The following PLAT variants were observed in gnomAD, a reference collection of about 807,000 sequenced individuals.
The protein encoded by PLAT is tissue-type plasminogen activator.
Under a neutral mutation model 74.9 loss-of-function variants are expected in PLAT, and 48 were observed. The ratio of observed to expected loss-of-function variants is 0.64; its 90% CI spans 0.51 to 0.82. The LOEUF is 0.82. PLAT is among the 40% of genes least tolerant of loss of function. The pLI, the probability that PLAT is intolerant of heterozygous loss-of-function variation, is 0.00. For synonymous variants in PLAT, 307 were observed against 294.4 expected (o/e 1.04, Z -0.44); for missense variants, 673 against 736.2 (o/e 0.91, Z 0.99).
rs997457932 is a variant in PLAT at position 42,197,959 on chromosome 8, A to C, written c.-26-4748T>G. On this transcript the variant is annotated intron_variant, in intron 1 of 13. Transcript: ENST00000220809. Reference sequence around the variant, plus strand: ...GCGGTTTCTGTTCTGTTGTGAGAACATACGACATGGGGAGTGTCACATGCA... The same window carrying C: ...GCGGTTTCTGTTCTGTTGTGAGAACCTACGACATGGGGAGTGTCACATGCA... Among the ~76,000 whole-genome samples the C allele has an allele frequency of 1.3e-4, 20 of 152,340 alleles. 1 individual carries two copies. In the South Asian group the frequency reaches 4.1e-3, roughly 32 times the overall value.
At chr8:42,183,271 G>A in intron 7 of PLAT, among the ~76,000 whole-genome samples, 1 of 152,314 alleles carries the variant, frequency 6.6e-6, no homozygotes, top group Admixed American at 6.5e-5. Flanking sequence ...CCAAAGTGCT[G>A]GGAGTACAGG....
intron 6 of PLAT, chr8:42,187,055 C>T (rs991998754): frequency 1.5e-5 from 3 of 195,756 alleles, no homozygotes; most frequent in East Asian, 1.2e-4. Flanking sequence ...CATCTATCTA[C>T]CATCTATCAT....
chr8:42,183,278 C>G (rs183536693), intron 7 of PLAT, among the ~76,000 whole-genome samples: 19 of 152,294 alleles, frequency 1.2e-4, no homozygotes, highest in African/African-American at 4.1e-4. Context: ...GCTGGGAGTA[C>G]AGGTGTGAGC....
At chr8:42,189,568 C>A (rs1035514421) in intron 3 of PLAT, among the ~76,000 whole-genome samples, 2 of 151,110 alleles carry the variant, frequency 1.3e-5, no homozygotes, top group African/African-American at 2.4e-5. Flanking sequence ...CATTGAGTAT[C>A]TTCTCATATG....
intron 7 of PLAT, among the ~76,000 whole-genome samples, chr8:42,183,123 C>G (rs1291801946): frequency 2.0e-5 from 3 of 152,192 alleles, no homozygotes; most frequent in Non-Finnish European, 4.4e-5. Flanking sequence ...TCTACCTCAG[C>G]CTCCCGAGTA....
intron 6 of PLAT, chr8:42,186,760 TATC>T (rs2129739419): frequency 6.6e-6 from 1 of 151,936 alleles, no homozygotes; most frequent in South Asian, 2.1e-4. Flanking sequence ...TCAATCTGTC[TATC>T]ATCTATCTAT....
chr8:42,193,255 TC>T, intron 1 of PLAT, 44 bp from the exon 2 acceptor site: 1 of 1,257,596 alleles, frequency 8.0e-7, no homozygotes, highest in Non-Finnish European at 1.2e-6. Context: ...GTGCGAGAGG[TC>T]CATGATGGCA....
chr8:42,186,171 T>G (rs63020761), intron 6 of PLAT: 2 of 125,262 alleles, frequency 1.6e-5, no homozygotes, highest in Non-Finnish European at 3.4e-5. Context: ...TTTTTTTTTT[T>G]AATTCTCTAC....
chr8:42,201,198 GGATT>G (rs1806116579), intron 1 of PLAT, among the ~76,000 whole-genome samples: 1 of 152,194 alleles, frequency 6.6e-6, no homozygotes, highest in South Asian at 2.1e-4. Flanking sequence ...CGTGGTCACT[GGATT>G]CTCAACCTGG....
At position 42,203,923 on chromosome 8, in the gene PLAT, C is replaced by T. The variant is rs111541095; in HGVS notation, c.-27+3571G>A. Among the ~76,000 whole-genome samples, 867 of 150,344 alleles carry T rather than the reference C, an allele frequency of 5.8e-3. 2 individuals are homozygous for T. Among genetic ancestry groups the T allele is most frequent in the Non-Finnish European group, 8.9e-3 (606 of 67,870 alleles). ...GAAGGTTCAGTGACCTACGATCACA[C>T]TGCTGCACTCCAGCCTGGGTGATGG... On this transcript the variant is annotated intron_variant, in intron 1 of 13. Transcript: ENST00000220809.
intron 1 of PLAT, among the ~76,000 whole-genome samples, chr8:42,196,517 C>T (rs1805913523): frequency 6.6e-6 from 1 of 152,116 alleles, no homozygotes; most frequent in Non-Finnish European, 1.5e-5. Context: ...CAAGAAAGAG[C>T]GAAGAGAGGG....
chr8:42,181,456 G>T (rs1402798985), intron 9 of PLAT, among the ~76,000 whole-genome samples: 1 of 152,178 alleles, frequency 6.6e-6, no homozygotes, highest in African/African-American at 2.4e-5. Flanking sequence ...ATGAGGGCAG[G>T]CCCTAGCTTT....
At chr8:42,201,977 AAG>A (rs1338924995) in intron 1 of PLAT, among the ~76,000 whole-genome samples, 1 of 152,172 alleles carries the variant, frequency 6.6e-6, no homozygotes, top group African/African-American at 2.4e-5. Flanking sequence ...ACATGACAGA[AAG>A]AGAATAACCA....
intron 1 of PLAT, among the ~76,000 whole-genome samples, chr8:42,202,153 G>C (rs886879711): frequency 2.6e-5 from 4 of 151,922 alleles, no homozygotes; most frequent in Non-Finnish European, 4.4e-5. Flanking sequence ...TCAAGTAGCT[G>C]GGACTACAGG....
intron 13 of PLAT, among the ~76,000 whole-genome samples, chr8:42,177,753 G>T (rs930157153): frequency 2.0e-5 from 3 of 152,102 alleles, no homozygotes; most frequent in Non-Finnish European, 2.9e-5. Flanking sequence ...TTTTGTTTCT[G>T]GACTGTAAGC....
At chr8:42,191,984 C>A (rs1384771591) in intron 2 of PLAT, among the ~76,000 whole-genome samples, 2 of 150,964 alleles carry the variant, frequency 1.3e-5, no homozygotes, top group Non-Finnish European at 2.9e-5. Flanking sequence ...TGGCTCATGG[C>A]ACTTGCATTG....
chr8:42,204,908 A>G (rs563553696), intron 1 of PLAT, among the ~76,000 whole-genome samples: 3 of 152,066 alleles, frequency 2.0e-5, no homozygotes, highest in East Asian at 3.9e-4. Context: ...CTACCAAGGT[A>G]TGAAAGGAAA....
At chr8:42,184,211 G>T (rs1805361943) in intron 7 of PLAT, among the ~76,000 whole-genome samples, 1 of 151,984 alleles carries the variant, frequency 6.6e-6, no homozygotes, top group Admixed American at 6.6e-5. Flanking sequence ...AAAGTGCTGG[G>T]ATTATAGACA....
chr8:42,177,516 G>T (rs1805019526), intron 13 of PLAT, among the ~76,000 whole-genome samples: 1 of 152,152 alleles, frequency 6.6e-6, no homozygotes, highest in African/African-American at 2.4e-5. Context: ...CTAGCTGATG[G>T]CCTTAGACTA....
Sources: allele counts gnomAD v4.1 joint callset (sites outside exome capture counted in the v4.1 genomes callset), GRCh38; gene constraint gnomAD v4.1.1; transcripts MANE v1.5; gene names NCBI Gene and HGNC (gene_info 2026-07-23, HGNC 2026-07-21).